Variants in UPRT observed in about 807,000 individuals in gnomAD.
UPRT encodes RP11-311P8.3.
A neutral mutation model predicts 22.6 loss-of-function variants in UPRT; 5 were observed. The observed-to-expected ratio is 0.22, with a 90% CI of 0.12 to 0.47. UPRT has a LOEUF of 0.47. UPRT is among the 20% of genes least tolerant of loss of function. The pLI is 0.99. For synonymous variants in UPRT, 77 were observed against 87.7 expected (o/e 0.88, Z 0.68); for missense variants, 181 against 239.9 (o/e 0.75, Z 1.62).
intron 3 of UPRT, among the ~76,000 whole-genome samples, chrX:75,166,187 C>T (rs1673303480): frequency 9.0e-6 from 1 of 111,674 alleles, no homozygotes; most frequent in African/African-American, 3.3e-5. Flanking sequence ...CTCTTTTGTA[C>T]TCATTGTATA....
intron 4 of UPRT, among the ~76,000 whole-genome samples, chrX:75,177,260 A>T (rs1179637069): frequency 9.2e-6 from 1 of 109,143 alleles, no homozygotes; most frequent in Non-Finnish European, 1.9e-5. Context: ...CTGCCCAAGA[A>T]CCCGCAATGG....
intron 4 of UPRT, among the ~76,000 whole-genome samples, chrX:75,238,055 A>T (rs73218184): frequency 1.2e-3 from 134 of 111,719 alleles, no homozygotes; most frequent in Non-Finnish European, 2.0e-3. Flanking sequence ...GAACCTATAA[A>T]ACAATAATAC....
At chrX:75,195,578 C>A (rs2082330464) in intron 4 of UPRT, among the ~76,000 whole-genome samples, 1 of 112,184 alleles carries the variant, frequency 8.9e-6, no homozygotes, top group Non-Finnish European at 1.9e-5. Flanking sequence ...GCTGAAGTGT[C>A]CATGAAGGTC....
intron 4 of UPRT, among the ~76,000 whole-genome samples, chrX:75,232,639 A>G (rs1344330977): frequency 8.9e-6 from 1 of 112,245 alleles, no homozygotes; most frequent in Non-Finnish European, 1.9e-5. Context: ...CTGATCCCCA[A>G]GCAGCCTAAC....
chrX:75,239,168 A>T (rs1206000381), intron 4 of UPRT, among the ~76,000 whole-genome samples: 2 of 111,665 alleles, frequency 1.8e-5, no homozygotes, highest in Non-Finnish European at 3.8e-5. Context: ...ATGAAACAAA[A>T]AGATGGTTCT....
intron 4 of UPRT, among the ~76,000 whole-genome samples, chrX:75,233,793 C>T (rs1379909075): frequency 9.0e-6 from 1 of 111,152 alleles, no homozygotes; most frequent in Non-Finnish European, 1.9e-5. Context: ...AAGCACTAAA[C>T]ATGGAAAGGA....
chrX:75,169,037 T>C (rs1371017829), intron 4 of UPRT, among the ~76,000 whole-genome samples: 1 of 111,880 alleles, frequency 8.9e-6, no homozygotes, highest in Admixed American at 9.5e-5. Flanking sequence ...ATGTTTGGTT[T>C]TCCATTCCTG....
chrX:75,277,561 G>A (rs1398673415), intron 1 of UPRT, among the ~76,000 whole-genome samples: 1 of 111,065 alleles, frequency 9.0e-6, no homozygotes, highest in African/African-American at 3.3e-5. Context: ...GCTAAAACAA[G>A]ATACTGTTCA....
intron 4 of UPRT, among the ~76,000 whole-genome samples, chrX:75,177,209 C>T (rs905077406): frequency 1.4e-4 from 15 of 110,506 alleles, no homozygotes; most frequent in African/African-American, 4.3e-4. Flanking sequence ...CCCTGCTGAT[C>T]GGAATAGTTG....
At chrX:75,195,011 T>C (rs1351993209) in intron 4 of UPRT, among the ~76,000 whole-genome samples, 3 of 110,120 alleles carry the variant, frequency 2.7e-5, no homozygotes, top group African/African-American at 9.9e-5. Context: ...AGGGGCATGG[T>C]AGGGTGCATG....
At chrX:75,171,976 G>A (rs2082229362) in intron 4 of UPRT, among the ~76,000 whole-genome samples, 1 of 111,964 alleles carries the variant, frequency 8.9e-6, no homozygotes, top group Non-Finnish European at 1.9e-5. Flanking sequence ...ACCTGCTCTG[G>A]TGGAGGTGAC....
intron 4 of UPRT, among the ~76,000 whole-genome samples, chrX:75,227,563 G>T (rs183743230): frequency 8.9e-6 from 1 of 112,369 alleles, no homozygotes; most frequent in Non-Finnish European, 1.9e-5. Context: ...GCTAATGGAA[G>T]GAATCAAAAT....
chrX:75,279,696 A>G (rs1302355842), intron 1 of UPRT, among the ~76,000 whole-genome samples: 7 of 111,000 alleles, frequency 6.3e-5, no homozygotes, highest in South Asian at 3.8e-4. Flanking sequence ...ATTTGATTAC[A>G]TGAGTAAGTT....
At chrX:75,264,440 G>T (rs1170876161) in intron 4 of UPRT, among the ~76,000 whole-genome samples, 1 of 111,806 alleles carries the variant, frequency 8.9e-6, no homozygotes, top group Non-Finnish European at 1.9e-5. Context: ...AGGATAGTTA[G>T]CTCTTCTTGT....
At chrX:75,156,463 T>C in exon 1 of UPRT, 1 of 506,196 alleles carries the variant, frequency 2.0e-6, no homozygotes, top group Non-Finnish European at 3.4e-6. Context: ...GCTTTGATTG[T>C]TTTCCTTACA....
intron 1 of UPRT, among the ~76,000 whole-genome samples, chrX:75,281,645 G>A (rs2082657426): frequency 9.0e-6 from 1 of 111,593 alleles, no homozygotes; most frequent in Non-Finnish European, 1.9e-5. Context: ...TCTTTTTGAT[G>A]TGCTGTTGGA....
At chrX:75,176,041 G>A (rs750734055) in intron 4 of UPRT, among the ~76,000 whole-genome samples, 4 of 111,490 alleles carry the variant, frequency 3.6e-5, no homozygotes, top group South Asian at 3.8e-4. Context: ...CGAGTGATTC[G>A]GGTGATAGGG....
chrX:75,271,826 G>T (rs1031706976), upstream of UPRT, among the ~76,000 whole-genome samples: 9 of 111,290 alleles, frequency 8.1e-5, no homozygotes, highest in African/African-American at 1.6e-4. Context: ...CAAAAAGTGG[G>T]CTAAGGACAT....
chrX:75,223,485 C>T (rs1405743741), intron 4 of UPRT, among the ~76,000 whole-genome samples: 1 of 111,081 alleles, frequency 9.0e-6, no homozygotes, highest in Non-Finnish European at 1.9e-5. Context: ...GCACTTTAGC[C>T]CACAGTGGTG....
Sources: gnomAD v4.1 joint callset for allele counts (sites outside exome capture counted in the v4.1 genomes callset) on GRCh38, gnomAD v4.1.1 for gene constraint, MANE v1.5 for transcripts, NCBI Gene and HGNC (gene_info 2026-07-23, HGNC 2026-07-21) for gene names.